The following HPSE2 variants were observed in gnomAD, a reference collection of about 807,000 sequenced individuals.
HPSE2 encodes heparanase 2 (inactive), also known as inactive heparanase-2.
HPSE2 carries 38 observed loss-of-function variants against 60.5 expected under a neutral mutation model. The observed-to-expected ratio is 0.63, with a 90% confidence interval of 0.48 to 0.82. HPSE2 has a LOEUF of 0.82. Among genes scored for constraint, HPSE2 ranks in the 40% least tolerant of loss-of-function variants. The probability of loss-of-function intolerance (pLI) is 0.00; values close to 1 mark genes in which losing one functional copy is unlikely to be tolerated. For missense variants in HPSE2, 713 were observed against 740.4 expected (o/e 0.96, Z 0.43); for synonymous variants, 295 against 293.2 (o/e 1.01, Z -0.06).
At chr10:98,763,029 T>G (rs1337961429) in intron 3 of HPSE2, among the ~76,000 whole-genome samples, 2 of 152,082 alleles carry the variant, frequency 1.3e-5, no homozygotes, top group Non-Finnish European at 2.9e-5. Flanking sequence ...ATGAAAATTT[T>G]AGAGCTAAAA....
chr10:98,698,553 T>C (rs1320987952), intron 5 of HPSE2, among the ~76,000 whole-genome samples: 6 of 151,698 alleles, frequency 4.0e-5, no homozygotes, highest in African/African-American at 9.7e-5. Flanking sequence ...GATCCAAAAT[T>C]GACACCCTAA....
intron 3 of HPSE2, among the ~76,000 whole-genome samples, chr10:98,809,524 G>GTATA (rs150598388): frequency 1.0e-3 from 151 of 151,336 alleles, no homozygotes; most frequent in African/African-American, 3.4e-3. Flanking sequence ...GTGTTTATGT[G>GTATA]TATATATATA....
intron 3 of HPSE2, among the ~76,000 whole-genome samples, chr10:98,922,761 A>G (rs1341246670): frequency 6.6e-6 from 1 of 152,168 alleles, no homozygotes; most frequent in African/African-American, 2.4e-5. Context: ...AAACACGGAA[A>G]AAGAAAACTA....
At chr10:98,867,758 G>T (rs897894061) in intron 3 of HPSE2, among the ~76,000 whole-genome samples, 2 of 152,054 alleles carry the variant, frequency 1.3e-5, no homozygotes, top group African/African-American at 2.4e-5. Flanking sequence ...TTCAACAGAC[G>T]AATGGATAAA....
Position 99,235,751 on chromosome 10 carries a change from G to A in HPSE2, c.52C>T (p.Pro18Ser), listed in dbSNP as rs1326747297. The change falls in exon 1 of 12, where the codon CCC (proline) becomes TCC (serine). Residue 18 changes from proline (P) to serine (S), a missense_variant. Pro to Ser is a moderately conservative substitution (Grantham distance 74). Coordinates refer to ENST00000370552, the MANE Select transcript of HPSE2 (RefSeq NM_021828.5). ...GCCCCCGGGGCTAGGCACGCGGGGG[G>A]GCGGGAGTTGCTGGAGGGCATGGCT... ...PEAMPSSNSR[P>S]PACLAPGALY... The A allele has an allele frequency of 8.1e-6, 13 of 1,613,924 alleles. No homozygotes were observed. The highest frequency in any genetic ancestry group is 6.6e-5 in the South Asian group (6 of 91,070).
intron 2 of HPSE2, among the ~76,000 whole-genome samples, chr10:99,164,425 C>T (rs1319543066): frequency 6.6e-6 from 1 of 150,774 alleles, no homozygotes; most frequent in African/African-American, 2.4e-5. Flanking sequence ...TAAGCACTTC[C>T]TTACTTTCTG....
At chr10:98,658,954 A>T (rs901988900) in intron 6 of HPSE2, among the ~76,000 whole-genome samples, 1 of 151,868 alleles carries the variant, frequency 6.6e-6, no homozygotes, top group Non-Finnish European at 1.5e-5. Context: ...CACATAACAT[A>T]AAATTAACCA....
intron 6 of HPSE2, among the ~76,000 whole-genome samples, chr10:98,659,958 A>C (rs1317894931): frequency 2.0e-5 from 3 of 152,224 alleles, no homozygotes; most frequent in Non-Finnish European, 2.9e-5. Flanking sequence ...TTCACTGAGT[A>C]CTTGTGAGGC....
At chr10:98,508,828 C>T (rs963330397) in intron 9 of HPSE2, among the ~76,000 whole-genome samples, 4 of 152,116 alleles carry the variant, frequency 2.6e-5, no homozygotes, top group African/African-American at 9.7e-5. Flanking sequence ...AGCTGGAGCT[C>T]AGCAAGTTAA....
Position 98,707,516 on chromosome 10 carries a change from T to A in HPSE2, c.957-13569A>T, listed in dbSNP as rs72840579. Among the ~76,000 whole-genome samples the A allele has an allele frequency of 6.9e-3, 1,043 of 152,260 alleles. 8 individuals are homozygous for A. The highest frequency in any genetic ancestry group is 0.027 in the South Asian group (132 of 4,826). On this transcript the variant is annotated intron_variant, in intron 5 of 11. Coordinates refer to ENST00000370552, the MANE Select transcript of HPSE2 (RefSeq NM_021828.5). ...AGTCCTCATATAATGTTCTATTAAC[T>A]AAAGGAACATTATATAAAAAATGAG...
intron 2 of HPSE2, among the ~76,000 whole-genome samples, chr10:99,223,942 A>C (rs182319698): frequency 6.6e-6 from 1 of 152,144 alleles, no homozygotes; most frequent in Admixed American, 6.6e-5. Flanking sequence ...TGTGTTCAAC[A>C]TGGAAAGTAT....
At chr10:98,552,478 G>C (rs1436540968) in intron 9 of HPSE2, among the ~76,000 whole-genome samples, 2 of 152,120 alleles carry the variant, frequency 1.3e-5, no homozygotes, top group Admixed American at 6.6e-5. Context: ...GAAGACTAAG[G>C]CTTCTGAGTT....
intron 3 of HPSE2, among the ~76,000 whole-genome samples, chr10:99,136,974 T>C (rs878868677): frequency 8.5e-5 from 13 of 152,168 alleles, no homozygotes; most frequent in Non-Finnish European, 1.5e-5. Context: ...GATGACATGA[T>C]TGTATATTTA....
intron 3 of HPSE2, among the ~76,000 whole-genome samples, chr10:98,866,530 C>G (rs1006562850): frequency 1.3e-5 from 2 of 151,964 alleles, no homozygotes; most frequent in African/African-American, 4.8e-5. Context: ...GCATCCTAAG[C>G]ATAAGAAACA....
chr10:98,752,554 G>A (rs550621968), intron 3 of HPSE2, among the ~76,000 whole-genome samples: 4 of 152,018 alleles, frequency 2.6e-5, no homozygotes, highest in South Asian at 2.1e-4. Context: ...AATTTGGCTG[G>A]GATTGCAGAA....
chr10:98,638,532 G>C (rs1049850043), intron 7 of HPSE2, among the ~76,000 whole-genome samples: 1 of 152,216 alleles, frequency 6.6e-6, no homozygotes, highest in African/African-American at 2.4e-5. Flanking sequence ...CATTTGGCTA[G>C]TGGGCCCTAG....
chr10:98,561,547 T>C (rs1011714002), intron 9 of HPSE2, among the ~76,000 whole-genome samples: 9 of 152,160 alleles, frequency 5.9e-5, no homozygotes, highest in Non-Finnish European at 1.3e-4. Flanking sequence ...TAATTTATTA[T>C]TAAAGAAAGA....
intron 3 of HPSE2, among the ~76,000 whole-genome samples, chr10:99,114,978 T>C (rs892274233): frequency 2.6e-5 from 4 of 151,654 alleles, no homozygotes; most frequent in African/African-American, 9.7e-5. Flanking sequence ...GTTTTTTTTG[T>C]TTGCTTGTTT....
chr10:98,473,611 G>A (rs61874868), intron 11 of HPSE2, among the ~76,000 whole-genome samples: 61,208 of 151,472 alleles, frequency 0.4, 13,424 homozygotes, highest in African/African-American at 0.6. Flanking sequence ...TGGATTCTAA[G>A]GTGAGCAATC....
Sources: gnomAD v4.1 joint callset for allele counts (sites outside exome capture counted in the v4.1 genomes callset) on GRCh38, gnomAD v4.1.1 for gene constraint, MANE v1.5 for transcripts, NCBI Gene and HGNC (gene_info 2026-07-23, HGNC 2026-07-21) for gene names.